PARD3B: variants seen among roughly 807,000 people sequenced by gnomAD.
PARD3B encodes the protein partitioning defective 3 homolog B.
In PARD3B, 103 loss-of-function variants were observed where a neutral mutation model predicts 130.2. That is an observed-to-expected ratio of 0.79 (90% CI 0.67 to 0.93). The LOEUF (loss-of-function observed/expected upper bound fraction) is 0.93. Among genes scored for constraint, PARD3B ranks in the 40% least tolerant of loss-of-function variants. The pLI is 0.00. For missense variants in PARD3B, 1,609 were observed against 1,499.2 expected (o/e 1.07, Z -1.21); for synonymous variants, 583 against 553.2 (o/e 1.05, Z -0.76).
chr2:205,153,582 T>G (rs1395107708), intron 10 of PARD3B, among the ~76,000 whole-genome samples: 1 of 151,912 alleles, frequency 6.6e-6, no homozygotes, highest in Non-Finnish European at 1.5e-5. Flanking sequence ...GAGCCCACAT[T>G]GCCAAGACAA....
intron 4 of PARD3B, among the ~76,000 whole-genome samples, chr2:205,055,257 A>G (rs1575657178): frequency 6.6e-6 from 1 of 152,314 alleles, no homozygotes; most frequent in East Asian, 1.9e-4. Context: ...ATAATTTCTT[A>G]TATCCATTAC....
rs944072554 is a variant in PARD3B at position 204,833,627 on chromosome 2, T to A, written c.223-131525T>A. On this transcript the variant is annotated intron_variant, in intron 2 of 22. Transcript: ENST00000406610. ...GATAGTAAATAAGTCTCAAGAGATC[T>A]GATGGTTTTATAAAGGGGAGTTTCC... Among the ~76,000 whole-genome samples, 24 of 152,212 alleles carry A rather than the reference T, an allele frequency of 1.6e-4. 1 individual carries two copies. The highest frequency in any genetic ancestry group is 5.8e-4 in the African/African-American group (24 of 41,538).
intron 15 of PARD3B, among the ~76,000 whole-genome samples, chr2:205,204,557 T>A (rs2037177409): frequency 6.6e-6 from 1 of 152,204 alleles, no homozygotes; most frequent in African/African-American, 2.4e-5. Flanking sequence ...TGCCTAGGTG[T>A]TCTTCTAGGG....
chr2:205,364,813 C>G (rs1183395507), intron 18 of PARD3B, among the ~76,000 whole-genome samples: 1 of 152,152 alleles, frequency 6.6e-6, no homozygotes, highest in Admixed American at 6.5e-5. Flanking sequence ...AATTACAATA[C>G]CTACTCACAT....
chr2:204,545,988 C>CG lies in PARD3B; in HGVS notation c.-12_-11insG. 5 of 1,553,738 alleles carry CG rather than the reference C, an allele frequency of 3.2e-6. No homozygotes were observed. Among genetic ancestry groups the CG allele is most frequent in the Non-Finnish European group, 4.4e-6 (5 of 1,149,378 alleles). On this transcript the variant is annotated 5_prime_UTR_variant, in exon 1 of 23. Transcript: ENST00000406610. ...TGTTCGGCCCGGCCCGGCGTGGTCG[C>CG]CGGGGGCCAGGATGAAAGTGACCGT...
chr2:205,432,333 T>A (rs1436963077), intron 19 of PARD3B, among the ~76,000 whole-genome samples: 2 of 152,184 alleles, frequency 1.3e-5, no homozygotes, highest in Admixed American at 1.3e-4. Context: ...CCCTTTACCA[T>A]GTAAGTCAGA....
intron 1 of PARD3B, among the ~76,000 whole-genome samples, chr2:204,564,208 C>A (rs1311048644): frequency 6.6e-6 from 1 of 152,180 alleles, no homozygotes; most frequent in Non-Finnish European, 1.5e-5. Flanking sequence ...CCCCACGTAG[C>A]TCAGTTCCTT....
intron 1 of PARD3B, among the ~76,000 whole-genome samples, chr2:204,628,165 T>C (rs2034552366): frequency 6.6e-6 from 1 of 152,170 alleles, no homozygotes; most frequent in Admixed American, 6.6e-5. Flanking sequence ...TGGACTCTAA[T>C]TATTAACCAC....
At chr2:205,197,656 G>GT (rs984389911) in intron 15 of PARD3B, among the ~76,000 whole-genome samples, 6 of 152,168 alleles carry the variant, frequency 3.9e-5, no homozygotes, top group Non-Finnish European at 7.4e-5. Context: ...AAGGAAATTT[G>GT]TTTTTAAATA....
intron 18 of PARD3B, among the ~76,000 whole-genome samples, chr2:205,328,336 A>C (rs2043003645): frequency 6.6e-6 from 1 of 152,174 alleles, no homozygotes; most frequent in African/African-American, 2.4e-5. Flanking sequence ...ATGTTATGGT[A>C]ATAACTGCTA....
chr2:204,733,699 TC>T (rs1229430740), intron 2 of PARD3B, among the ~76,000 whole-genome samples: 1 of 152,098 alleles, frequency 6.6e-6, no homozygotes, highest in Non-Finnish European at 1.5e-5. Context: ...AGAAGATAGA[TC>T]AATAACTTGA....
chr2:204,861,166 CT>C (rs1337924284), intron 2 of PARD3B, among the ~76,000 whole-genome samples: 34 of 35,248 alleles, frequency 9.6e-4, no homozygotes, highest in African/African-American at 2.0e-3. Flanking sequence ...ATACCTTTCT[CT>C]CTCTCTCTCT....
intron 2 of PARD3B, among the ~76,000 whole-genome samples, chr2:204,850,955 T>C (rs900604864): frequency 6.6e-6 from 1 of 152,220 alleles, no homozygotes; most frequent in Non-Finnish European, 1.5e-5. Context: ...AGACAAAGAC[T>C]GTAGAAGTAC....
At chr2:205,189,333 C>T (rs568504974) in intron 14 of PARD3B, among the ~76,000 whole-genome samples, 7 of 152,178 alleles carry the variant, frequency 4.6e-5, no homozygotes, top group Non-Finnish European at 7.3e-5. Context: ...ATTGTTGGCT[C>T]TTATACATCT....
intron 2 of PARD3B, among the ~76,000 whole-genome samples, chr2:204,956,984 C>T (rs571548224): frequency 6.6e-6 from 1 of 152,236 alleles, no homozygotes; most frequent in Non-Finnish European, 1.5e-5. Flanking sequence ...CCTACCACTG[C>T]TAGAGATGGT....
chr2:205,001,880 C>T (rs1694864229), intron 3 of PARD3B, among the ~76,000 whole-genome samples: 1 of 152,164 alleles, frequency 6.6e-6, no homozygotes, highest in Non-Finnish European at 1.5e-5. Context: ...TTGAGGACTA[C>T]ATTGGAGACG....
chr2:205,368,860 CAA>C lies in PARD3B; in HGVS notation c.2631-32140_2631-32139del, dbSNP rs76938901. Among the ~76,000 whole-genome samples the C allele has an allele frequency of 5.1e-3, 753 of 146,990 alleles. 8 individuals are homozygous for C. The highest frequency in any genetic ancestry group is 0.017 in the African/African-American group (676 of 38,874). On this transcript the variant is annotated intron_variant, in intron 18 of 22. Coordinates refer to ENST00000406610, the MANE Select transcript of PARD3B (RefSeq NM_001302769.2). The stretch of plus-strand genomic sequence containing the variant: ...CTCAATTCAGGGGAGCTTGGGAAAA[CAA>C]AAAAAAAAAAAACACCCCATAACGT...
intron 2 of PARD3B, among the ~76,000 whole-genome samples, chr2:204,811,628 G>A (rs1017494514): frequency 1.3e-5 from 2 of 152,192 alleles, no homozygotes; most frequent in African/African-American, 4.8e-5. Flanking sequence ...GACAACATCA[G>A]ATTCTGGACT....
At chr2:205,217,883 TA>T (rs2038022003) in intron 15 of PARD3B, among the ~76,000 whole-genome samples, 2 of 98,732 alleles carry the variant, frequency 2.0e-5, no homozygotes, top group African/African-American at 8.8e-5. Context: ...TATATATATA[TA>T]TATATATATA....
Sources: gnomAD v4.1 joint callset for allele counts (sites outside exome capture counted in the v4.1 genomes callset) on GRCh38, gnomAD v4.1.1 for gene constraint, MANE v1.5 for transcripts, NCBI Gene and HGNC (gene_info 2026-07-23, HGNC 2026-07-21) for gene names.